The following EPB41L5 variants were observed in gnomAD, a reference collection of about 807,000 sequenced individuals.
EPB41L5 encodes the protein erythrocyte membrane protein band 4.1 like 5.
EPB41L5 carries 55 observed loss-of-function variants against 106.6 expected under a neutral mutation model. The observed-to-expected ratio is 0.52, with a 90% CI of 0.42 to 0.65. The LOEUF (loss-of-function observed/expected upper bound fraction) is 0.65. Ranked by LOEUF, EPB41L5 falls within the 30% of genes least tolerant of loss-of-function variation. EPB41L5 has a pLI of 0.00. For missense variants in EPB41L5, 871 were observed against 882.1 expected, an observed-to-expected ratio of 0.99 and a Z score of 0.16; for synonymous variants, 297 against 306.7, an observed-to-expected ratio of 0.97 and a Z score of 0.33.
chr2:120,084,262 C>T (rs764760435), intron 10 of EPB41L5, among the ~76,000 whole-genome samples: 20 of 152,130 alleles, frequency 1.3e-4, no homozygotes, highest in Non-Finnish European at 2.5e-4. Context: ...GTGGCTGGTA[C>T]CAGTTGTTCC....
intron 3 of EPB41L5, among the ~76,000 whole-genome samples, chr2:120,061,134 G>A (rs1260987411): frequency 1.4e-5 from 2 of 141,636 alleles, no homozygotes; most frequent in East Asian, 2.1e-4. Flanking sequence ...TCTGCCTTCC[G>A]GGTTCAAGCA....
chr2:120,038,686 G>A (rs1037693455), intron 2 of EPB41L5, among the ~76,000 whole-genome samples: 1 of 152,190 alleles, frequency 6.6e-6, no homozygotes, highest in African/African-American at 2.4e-5. Context: ...ACCCGGGGGT[G>A]GAGATTGCAG....
intron 16 of EPB41L5, among the ~76,000 whole-genome samples, chr2:120,120,887 G>A (rs762585539): frequency 6.6e-6 from 1 of 152,150 alleles, no homozygotes; most frequent in African/African-American, 2.4e-5. Context: ...AGGCCGAGGC[G>A]GGCAGCTCAC....
At chr2:120,144,388 C>A (rs1344467342) in intron 19 of EPB41L5, among the ~76,000 whole-genome samples, 2 of 152,138 alleles carry the variant, frequency 1.3e-5, no homozygotes, top group East Asian at 3.8e-4. Context: ...TATTTATAGG[C>A]CACTCAGATT....
intron 20 of EPB41L5, among the ~76,000 whole-genome samples, chr2:120,158,716 A>G (rs188125542): frequency 2.6e-5 from 4 of 152,316 alleles, no homozygotes; most frequent in East Asian, 1.9e-4. Flanking sequence ...CCTATTCAAC[A>G]TAGTATTGGA....
chr2:120,153,686 T>C (rs1686777765), intron 20 of EPB41L5, among the ~76,000 whole-genome samples: 1 of 152,216 alleles, frequency 6.6e-6, no homozygotes, highest in Non-Finnish European at 1.5e-5. Context: ...GATAGTTCTG[T>C]ATATGTTTGT....
intron 18 of EPB41L5, among the ~76,000 whole-genome samples, chr2:120,134,401 A>C (rs537153242): frequency 1.0e-3 from 153 of 152,236 alleles, no homozygotes; most frequent in Non-Finnish European, 2.0e-3. Context: ...GTCTGGCTGG[A>C]TTCACCACTT....
chr2:120,159,533 C>T (rs751772514), intron 20 of EPB41L5, among the ~76,000 whole-genome samples: 1 of 151,736 alleles, frequency 6.6e-6, no homozygotes, highest in African/African-American at 2.4e-5. Flanking sequence ...TAACATTCTT[C>T]ACCGAACTAG....
intron 2 of EPB41L5, among the ~76,000 whole-genome samples, chr2:120,028,754 G>C (rs542225632): frequency 1.4e-4 from 22 of 152,206 alleles, no homozygotes; most frequent in Admixed American, 3.3e-4. Flanking sequence ...ATATAGCGTG[G>C]GGAGGGAATA....
chr2:120,068,211 A>G (rs1165721759), intron 3 of EPB41L5, among the ~76,000 whole-genome samples: 5 of 152,210 alleles, frequency 3.3e-5, no homozygotes, highest in Admixed American at 3.3e-4. Flanking sequence ...AAGAGAAGCC[A>G]TGAGGGACTG....
At chr2:120,170,101 A>G (rs1394367190) in intron 24 of EPB41L5, among the ~76,000 whole-genome samples, 2 of 152,268 alleles carry the variant, frequency 1.3e-5, no homozygotes, top group African/African-American at 4.8e-5. Context: ...TATTCATAAT[A>G]GTCCAAACTG....
intron 11 of EPB41L5, among the ~76,000 whole-genome samples, chr2:120,089,747 C>T (rs1683289390): frequency 1.3e-5 from 2 of 152,088 alleles, no homozygotes; most frequent in South Asian, 4.1e-4. Flanking sequence ...GGCAGTATAA[C>T]TTAGTTGTTA....
intron 16 of EPB41L5, among the ~76,000 whole-genome samples, chr2:120,127,477 A>G (rs771180914): frequency 5.3e-5 from 8 of 152,242 alleles, no homozygotes; most frequent in Non-Finnish European, 7.3e-5. Flanking sequence ...TGTAGATTAC[A>G]TAGAAAACCT....
At chr2:120,138,864 A>G (rs182484785) in intron 18 of EPB41L5, among the ~76,000 whole-genome samples, 66 of 152,118 alleles carry the variant, frequency 4.3e-4, no homozygotes, top group Middle Eastern at 3.4e-3. Flanking sequence ...CAAAAGACTC[A>G]GAATAGCCAA....
At chr2:120,087,042 C>G in intron 10 of EPB41L5, 129 bp from the exon 11 acceptor site, 3 of 564,806 alleles carry the variant, frequency 5.3e-6, no homozygotes, top group Admixed American at 6.7e-5. Flanking sequence ...TTGCAAGTTA[C>G]GTTTACCGTC....
rs116194953 is a variant in EPB41L5, at chr2:120,017,166, T to G, written c.-8-1911T>G. Among the ~76,000 whole-genome samples, 335 of 152,380 alleles carry G rather than the reference T, an allele frequency of 2.2e-3. 1 individual carries two copies. Among genetic ancestry groups the G allele is most frequent in the African/African-American group, 7.8e-3 (326 of 41,582 alleles). ...TTCTCCTGAATTCTTTTGCTCCCTCTCCTGAGGCAATCATTTTCACATTTT... is the reference window on the plus strand; with the variant it reads ...TTCTCCTGAATTCTTTTGCTCCCTCGCCTGAGGCAATCATTTTCACATTTT... On this transcript the variant is annotated intron_variant, in intron 1 of 24. Coordinates refer to ENST00000263713, the MANE Select transcript of EPB41L5 (RefSeq NM_020909.4).
Position 120,146,251 on chromosome 2 carries a change from T to G in EPB41L5, c.1755T>G (p.Ser585Arg). 1 of 1,608,902 alleles carries G rather than the reference T, an allele frequency of 6.2e-7. No individual in the cohort carries two copies. The highest frequency in any genetic ancestry group is 8.5e-7 in the Non-Finnish European group (1 of 1,175,608). Reference protein sequence around the residue: ...HKVTKEDSLLSHKNANVQDAA... With the variant: ...HKVTKEDSLLRHKNANVQDAA... ...TTACAAAAGAAGATAGCTTATTAAGTCATAAAAATGCCAATGTTCAGGATG... is the reference window on the plus strand; with the variant it reads ...TTACAAAAGAAGATAGCTTATTAAGGCATAAAAATGCCAATGTTCAGGATG... Residue 585 changes from serine (S) to arginine (R), a missense_variant, in exon 20 of 25, where the codon AGT (serine) becomes AGG (arginine). Coordinates refer to ENST00000263713, the MANE Select transcript of EPB41L5 (RefSeq NM_020909.4).
intron 3 of EPB41L5, among the ~76,000 whole-genome samples, chr2:120,062,214 G>C (rs906762774): frequency 6.6e-6 from 1 of 152,154 alleles, no homozygotes; most frequent in African/African-American, 2.4e-5. Flanking sequence ...GAACACAATA[G>C]GATTCAGTAA....
chr2:120,042,223 G>C, intron 3 of EPB41L5, 113 bp downstream of exon 3: 1 of 691,988 alleles, frequency 1.4e-6, no homozygotes, highest in Non-Finnish European at 2.4e-6. Context: ...GTGATATAAA[G>C]CTTTGACACC....
Sources: allele counts gnomAD v4.1 joint callset (sites outside exome capture counted in the v4.1 genomes callset), GRCh38; gene constraint gnomAD v4.1.1; transcripts MANE v1.5; gene names NCBI Gene and HGNC (gene_info 2026-07-23, HGNC 2026-07-21).